Variants in PKD1 observed in about 807,000 individuals in gnomAD.
The protein encoded by PKD1 is polycystin 1, transient receptor potential channel interacting.
PKD1 carries 81 observed loss-of-function variants against 361.7 expected under a neutral mutation model. The ratio of observed to expected loss-of-function variants is 0.22; its 90% CI spans 0.19 to 0.27. The LOEUF (loss-of-function observed/expected upper bound fraction) is 0.27. Among genes scored for constraint, PKD1 ranks in the 10% least tolerant of loss-of-function variants. The pLI, the probability that PKD1 is intolerant of heterozygous loss-of-function variation, is 1.00. For missense variants in PKD1, 6,399 were observed against 6,118.3 expected, an observed-to-expected ratio of 1.05 and a Z score of -1.53; for synonymous variants, 3,615 against 2,818.3, an observed-to-expected ratio of 1.28 and a Z score of -8.95.
At position 2,114,914 on chromosome 16, in the gene PKD1, G is replaced by A. The variant is rs527655141; in HGVS notation, c.2109C>T (p.His703=). ...GPPAQYSVTL[H]GQDVLMLPGD... ...CAGGGAGCATGAGGACATCCTGGCCGTGGAGGGTGACCTGTGGAGAGGGAG... is the reference window on the plus strand; with the variant it reads ...CAGGGAGCATGAGGACATCCTGGCCATGGAGGGTGACCTGTGGAGAGGGAG... The change falls in exon 11 of 46, where the codon CAC becomes CAT. Residue 703 remains histidine (H), a synonymous_variant. Transcript: ENST00000262304. 8.5e-4 allele frequency: 1,294 copies of A among 1,530,236 alleles called. No individual in the cohort carries two copies. Among genetic ancestry groups the A allele is most frequent in the Admixed American group, 2.0e-3 (104 of 51,444 alleles). 94.8% of individuals were successfully genotyped at this position (1,530,236 alleles called of 1,614,324 possible). A position where few individuals can be genotyped will look rare whatever the true frequency, so the allele number is the denominator to read the frequency against.
chr16:2,126,268 C>T (rs1006805271), intron 1 of PKD1, among the ~76,000 whole-genome samples: 2 of 152,258 alleles, frequency 1.3e-5, no homozygotes, highest in Admixed American at 1.3e-4. Context: ...CTCATTCCTG[C>T]CTCAACCAGA....
chr16:2,090,225 G>A (rs754363108), intron 45 of PKD1, 31 bp from the exon 46 acceptor site: 5 of 1,608,966 alleles, frequency 3.1e-6, no homozygotes, highest in African/African-American at 2.7e-5. Flanking sequence ...CAGTCAGTCC[G>A]GCTGCACCCT....
intron 21 of PKD1, 59 bp from the exon 22 acceptor site, chr16:2,104,701 C>T (rs2092266522): frequency 4.1e-6 from 4 of 968,754 alleles, no homozygotes; most frequent in Non-Finnish European, 6.3e-6. Context: ...CACACGCCCT[C>T]CTCTCTACAC....
At position 2,089,650 on chromosome 16, in the gene PKD1, G is replaced by A. The variant is rs575504362; in HGVS notation, c.*77C>T. 1.2e-4 allele frequency: 189 copies of A among 1,516,752 alleles called. No individual in the cohort carries two copies. The highest frequency in any genetic ancestry group is 5.4e-4 in the South Asian group (45 of 83,076). 94.0% of individuals were successfully genotyped at this position (1,516,752 alleles called of 1,614,324 possible). A position where few individuals can be genotyped will look rare whatever the true frequency, so the allele number is the denominator to read the frequency against. ...CGTGCAGCCATTCTGCCTGGCCCTC[G>A]GCCTTGACAGCGGCAGAAAGTAATA... On this transcript the variant is annotated 3_prime_UTR_variant, in exon 46 of 46. Transcript: ENST00000262304.
In PKD1 at chr16:2,112,506, G is replaced by C. The variant is rs759273611; in HGVS notation, c.3162-33C>G. 7 of 1,578,566 alleles carry C rather than the reference G, an allele frequency of 4.4e-6. No individual in the cohort carries two copies. The South Asian group carries it at 6.8e-5, about 15-fold the overall frequency. ...GGCGGTGGGACGCAGTGAGTGAACC[G>C]GGACAGGGGTGGGCGGTGGCGGGGC... On this transcript the variant is annotated intron_variant, in intron 13 of 45. Coordinates refer to ENST00000262304, the MANE Select transcript of PKD1 (RefSeq NM_001009944.3).
Position 2,102,039 on chromosome 16 carries a change from G to A in PKD1, c.9397+22C>T, listed in dbSNP as rs540938335. 2.6e-4 allele frequency: 390 copies of A among 1,490,574 alleles called. 4 individuals are homozygous for A. In the African/African-American group the frequency reaches 4.9e-3, roughly 19 times the overall value. The allele number at this position is 1,490,574 out of a possible 1,614,324, so 92.3% of individuals were successfully genotyped here. The stretch of plus-strand genomic sequence containing the variant: ...AGCCAGTGAGAGCAGGGGAGGCCCT[G>A]CCACCCCGCTGCGCCCCTCACCTGA... On this transcript the variant is annotated intron_variant, in intron 26 of 45. Coordinates refer to ENST00000262304, the MANE Select transcript of PKD1 (RefSeq NM_001009944.3).
chr16:2,112,120 C>A (rs866462569), intron 14 of PKD1, among the ~76,000 whole-genome samples: 20 of 152,350 alleles, frequency 1.3e-4, no homozygotes, highest in Middle Eastern at 3.4e-3. Context: ...AGAGCCAGGC[C>A]CGGGGAGGGC....
chr16:2,100,239 G>A lies in PKD1; in HGVS notation c.9639C>T (p.Phe3213=). 6 of 1,610,694 alleles carry A rather than the reference G, an allele frequency of 3.7e-6. No homozygotes were observed. In the Middle Eastern group the frequency reaches 9.0e-4, roughly 242 times the overall value. The change falls in exon 28 of 46, where the codon TTC becomes TTT. Residue 3213 remains phenylalanine (F), a synonymous_variant. Coordinates refer to ENST00000262304, the MANE Select transcript of PKD1 (RefSeq NM_001009944.3). This position sits in a 1 kb window ranked among gnomAD's most constrained non-coding sequence, Gnocchi z 4.4. ...CCACCGAAAGCCAGTCATTGACCAG[G>A]AAGAAGGCGCTGCGTGCCGTCTGCA... is the stretch of plus-strand genomic sequence containing the variant. The part of the protein sequence containing the change: ...RDLQTARSAF[F]LVNDWLSVET...
intron 1 of PKD1, among the ~76,000 whole-genome samples, chr16:2,132,743 C>T (rs2092902171): frequency 6.6e-6 from 1 of 151,686 alleles, no homozygotes; most frequent in Non-Finnish European, 1.5e-5. Flanking sequence ...TTGCGATGCC[C>T]TCCAAAATGC....
In PKD1 at chr16:2,088,922, G is replaced by A; in HGVS notation, c.*805C>T. ...ACAGTCACCTTCCTCCACCCTGGGA[G>A]CCAGCCCCCAGGAGGAGTCTTTTCC... On this transcript the variant is annotated 3_prime_UTR_variant, in exon 46 of 46. Transcript: ENST00000262304. The A allele has an allele frequency of 2.6e-6, 1 of 388,438 alleles. No homozygotes were observed. The highest frequency in any genetic ancestry group is 4.3e-5 in the Admixed American group (1 of 23,426). 24.1% of individuals were successfully genotyped at this position (388,438 alleles called of 1,614,324 possible).
chr16:2,110,681 C>A lies in PKD1; in HGVS notation c.4486G>T (p.Ala1496Ser), dbSNP rs557937095. ...LFSAVGRGRPASYLWDLGDGG... is the reference protein window; with the variant it reads ...LFSAVGRGRPSSYLWDLGDGG... ...TCCCCCAGATCCCACAGGTAGCTGG[C>A]GGGGCGCCCACGGCCCACAGCAGAG... Residue 1496 changes from alanine to serine, a missense_variant, in exon 15 of 46, where the codon GCC (alanine) becomes TCC (serine). Ala to Ser is a moderately conservative substitution (Grantham distance 99). Transcript: ENST00000262304. 4 of 1,610,288 alleles carry A rather than the reference C, an allele frequency of 2.5e-6. No homozygotes were observed. Among genetic ancestry groups the A allele is most frequent in the Non-Finnish European group, 3.4e-6 (4 of 1,179,502 alleles).
chr16:2,128,735 C>CA (rs1230949527), intron 1 of PKD1, among the ~76,000 whole-genome samples: 1 of 152,132 alleles, frequency 6.6e-6, no homozygotes, highest in Non-Finnish European at 1.5e-5. Context: ...GACAGAGTTT[C>CA]ACTCTGTCTC....
chr16:2,112,333 C>T lies in PKD1; in HGVS notation c.3295+7G>A. 1 of 1,586,866 alleles carries T rather than the reference C, an allele frequency of 6.3e-7. No individual in the cohort carries two copies. Among genetic ancestry groups the T allele is most frequent in the Non-Finnish European group, 8.5e-7 (1 of 1,174,116 alleles). Reference sequence around the variant, plus strand: ...GGCAGTGGCCCCCTCACCCCCTCATCCCTCACCTGGGGCAGCGTAGGTGTG... The same window carrying T: ...GGCAGTGGCCCCCTCACCCCCTCATTCCTCACCTGGGGCAGCGTAGGTGTG... On this transcript the variant is annotated splice_region_variant and intron_variant, in intron 14 of 45. Transcript: ENST00000262304.
In PKD1 at chr16:2,090,794, T is replaced by C; in HGVS notation, c.12018A>G (p.Leu4006=). 3 of 1,612,490 alleles carry C rather than the reference T, an allele frequency of 1.9e-6. No individual in the cohort carries two copies. Among genetic ancestry groups the C allele is most frequent in the African/African-American group, 2.7e-5 (2 of 75,026 alleles). Residue 4006 remains leucine (L), a synonymous_variant, in exon 44 of 46, where the codon CTA becomes CTG. Transcript: ENST00000262304. ...FLLLVKAAQQ[L]RFVRQWSVFG... is the part of the protein sequence containing the mutation. ...AGACGGACCACTGGCGCACGAAGCG[T>C]AGCTGCTGGGCAGCCTGCGGACGAG...
chr16:2,104,580 G>A lies in PKD1; in HGVS notation c.8079C>T (p.Ala2693=), dbSNP rs1187115557. The A allele has an allele frequency of 7.5e-6, 12 of 1,600,748 alleles. No individual in the cohort carries two copies. Among genetic ancestry groups the A allele is most frequent in the African/African-American group, 6.8e-5 (5 of 73,594 alleles). The change falls in exon 22 of 46, where the codon GCC becomes GCT. Residue 2693 remains alanine (A), a synonymous_variant. Transcript: ENST00000262304. ...CLKQTLHKLE[A]MMLILQAETT... ...TCTCTGCCTGCAGGATGAGCATCAT[G>A]GCCTCCAGCTTGTGCAGCGTCTGCT...
At position 2,100,489 on chromosome 16, in the gene PKD1, C is replaced by G. The variant is rs909687167; in HGVS notation, c.9475G>C (p.Ala3159Pro). 6 of 1,610,562 alleles carry G rather than the reference C, an allele frequency of 3.7e-6. No individual in the cohort carries two copies. Among genetic ancestry groups the G allele is most frequent in the Admixed American group, 1.7e-5 (1 of 60,000 alleles). The change falls in exon 27 of 46, where the codon GCC becomes CCC. Residue 3159 changes from alanine to proline, a missense_variant. By Grantham distance (27) the Ala-to-Pro change is conservative. Coordinates refer to ENST00000262304, the MANE Select transcript of PKD1 (RefSeq NM_001009944.3). This position sits in a 1 kb window ranked among gnomAD's most constrained non-coding sequence, Gnocchi z 4.4. ...SGHRHLDGDR[A>P]FHRNSLDIFR... Reference sequence around the variant, plus strand: ...ATGTCCAGGCTGTTGCGGTGGAAGGCTCTGTCGCCGTCCAGGTGCCGGTGG... The same window carrying G: ...ATGTCCAGGCTGTTGCGGTGGAAGGGTCTGTCGCCGTCCAGGTGCCGGTGG...
rs28495326 is a variant in PKD1 at position 2,096,907 on chromosome 16, C to T, written c.10499+241G>A. On this transcript the variant is annotated intron_variant, in intron 34 of 45. Coordinates refer to ENST00000262304, the MANE Select transcript of PKD1 (RefSeq NM_001009944.3). ...GCCCCGGCCAGCCTCACACAGGAGC[C>T]TTTCTGCTCCTACAAAGCCCCATGA... 3.0e-3 allele frequency: 1,725 copies of T among 579,054 alleles called. 30 individuals carry two copies. Among genetic ancestry groups the T allele is most frequent in the African/African-American group, 0.029 (1,574 of 53,644 alleles). 35.9% of individuals were successfully genotyped at this position (579,054 alleles called of 1,614,324 possible).
Position 2,102,607 on chromosome 16 carries a change from T to A in PKD1, c.8975A>T (p.His2992Leu). 1 of 1,611,146 alleles carries A rather than the reference T, an allele frequency of 6.2e-7. No homozygotes were observed. Among genetic ancestry groups the A allele is most frequent in the South Asian group, 1.1e-5 (1 of 91,010 alleles). ...GCGGAAGTGGCTGGAGAGGTTCAGATGGTAACTCCCCGCTGGGTCTCTGCT... is the reference window on the plus strand; with the variant it reads ...GCGGAAGTGGCTGGAGAGGTTCAGAAGGTAACTCCCCGCTGGGTCTCTGCT... ...PGSRDPAGSYHLNLSSHFRWS... is the reference protein window; with the variant it reads ...PGSRDPAGSYLLNLSSHFRWS... The change falls in exon 25 of 46, where the codon CAT (histidine) becomes CTT (leucine). Residue 2992 changes from histidine to leucine, a missense_variant. Transcript: ENST00000262304.
intron 39 of PKD1, 44 bp downstream of exon 39, chr16:2,092,436 C>T: frequency 4.4e-6 from 6 of 1,355,118 alleles, no homozygotes; most frequent in Non-Finnish European, 6.3e-6. Flanking sequence ...GCTCTCTCAA[C>T]AAGAGGAACG....
Sources: gnomAD v4.1 joint callset for allele counts (sites outside exome capture counted in the v4.1 genomes callset) on GRCh38, gnomAD v4.1.1 for gene constraint, Gnocchi (gnomAD v3.1) non-coding constraint, MANE v1.5 for transcripts, NCBI Gene and HGNC (gene_info 2026-07-23, HGNC 2026-07-21) for gene names.